The following KLF3 variants were observed in gnomAD, a reference collection of about 807,000 sequenced individuals.
The protein encoded by KLF3 is Krueppel-like factor 3.
KLF3 carries 6 observed loss-of-function variants against 32.7 expected under a neutral mutation model. That is an observed-to-expected ratio of 0.18 (90% confidence interval 0.10 to 0.36). The LOEUF is 0.36. KLF3 is among the 10% of genes least tolerant of loss of function. The pLI is 1.00. For missense variants in KLF3, 338 were observed against 449.7 expected, an observed-to-expected ratio of 0.75 and a Z score of 2.25; for synonymous variants, 145 against 172.8, an observed-to-expected ratio of 0.84 and a Z score of 1.26.
Position 38,694,847 on chromosome 4 carries a change from G to C in KLF3, c.797G>C (p.Gly266Ala). The change falls in exon 5 of 6, where the codon GGA becomes GCA. Residue 266 changes from glycine (G) to alanine (A), a missense_variant. Gly to Ala is a moderately conservative substitution (Grantham distance 60). Transcript: ENST00000261438. Reference sequence around the variant, plus strand: ...AGGATACACAGATGTGATTATGATGGATGCAACAAAGTGTACACTAAAAGC... The same window carrying C: ...AGGATACACAGATGTGATTATGATGCATGCAACAAAGTGTACACTAAAAGC... ...KRRIHRCDYD[G>A]CNKVYTKSSH... 6.2e-7 allele frequency: 1 copy of C among 1,608,278 alleles called. No homozygotes were observed.
rs908811274 is a variant in KLF3 at position 38,674,550 on chromosome 4, C to T, written c.-39-6037C>T. Among the ~76,000 whole-genome samples, 1 of 151,632 alleles carries T rather than the reference C, an allele frequency of 6.6e-6. No individual in the cohort carries two copies. ...TAGAAGAGTTGAAAGGGAGGCTTAG[C>T]GATGGTGTGTTAGTGTATTGCTCCG... On this transcript the variant is annotated intron_variant, in intron 1 of 5. Coordinates refer to ENST00000261438, the MANE Select transcript of KLF3 (RefSeq NM_016531.6). This position sits in a 1 kb window ranked among gnomAD's most constrained non-coding sequence, Gnocchi z 4.1.
chr4:38,687,860 C>T (rs1227502384), intron 2 of KLF3, among the ~76,000 whole-genome samples: 1 of 152,150 alleles, frequency 6.6e-6, no homozygotes, highest in African/African-American at 2.4e-5. Flanking sequence ...TGTATGGTGA[C>T]TGACCCCCTC....
chr4:38,691,432 T>C (rs917417939), intron 4 of KLF3, among the ~76,000 whole-genome samples: 7 of 152,214 alleles, frequency 4.6e-5, no homozygotes, highest in Non-Finnish European at 8.8e-5. Flanking sequence ...CCTGCACTTA[T>C]AGTTGTTCCT....
At chr4:38,691,479 A>C (rs1378028729) in intron 4 of KLF3, among the ~76,000 whole-genome samples, 2 of 152,210 alleles carry the variant, frequency 1.3e-5, no homozygotes, top group African/African-American at 4.8e-5. Flanking sequence ...AAACTAAATA[A>C]AACCAACTGC....
intron 2 of KLF3, chr4:38,680,951 G>A (rs1722504473): frequency 3.4e-6 from 1 of 292,396 alleles, no homozygotes; most frequent in Non-Finnish European, 6.8e-6. Flanking sequence ...TCGGGAGGCT[G>A]AGGCAGGAGA....
At chr4:38,665,903 C>G (rs760925771) in intron 1 of KLF3, among the ~76,000 whole-genome samples, 1 of 152,210 alleles carries the variant, frequency 6.6e-6, no homozygotes, top group Non-Finnish European at 1.5e-5. Context: ...AAACAATCTG[C>G]TAGCATTAAT....
Position 38,685,461 on chromosome 4 carries a change from A to T in KLF3, c.58-3124A>T, listed in dbSNP as rs185406618. ...TCAGCAAACTGCATAATGTTGATAA[A>T]GCTTAGCTTTATGTGTGGCTTTTTC... On this transcript the variant is annotated intron_variant, in intron 2 of 5. Transcript: ENST00000261438. Among the ~76,000 whole-genome samples the T allele has an allele frequency of 1.2e-3, 180 of 152,296 alleles. 4 individuals are homozygous for T. Among genetic ancestry groups the T allele is most frequent in the Admixed American group, 9.5e-3 (145 of 15,294 alleles).
chr4:38,691,597 G>A (rs1004101885), intron 4 of KLF3, among the ~76,000 whole-genome samples: 3 of 152,172 alleles, frequency 2.0e-5, no homozygotes, highest in Admixed American at 6.5e-5. Flanking sequence ...AATATTCTGT[G>A]CTCTGAATGC....
chr4:38,676,915 T>G (rs1007019842), intron 1 of KLF3, among the ~76,000 whole-genome samples: 1 of 152,026 alleles, frequency 6.6e-6, no homozygotes, highest in Non-Finnish European at 1.5e-5. Context: ...CTTGTAATTA[T>G]TTTTTAGTAA....
At chr4:38,686,778 T>C (rs1722713474) in intron 2 of KLF3, among the ~76,000 whole-genome samples, 1 of 152,176 alleles carries the variant, frequency 6.6e-6, no homozygotes, top group Non-Finnish European at 1.5e-5. Flanking sequence ...ATCTTAACCA[T>C]GAGGACCTGA....
At chr4:38,696,514 C>T (rs1437936935) in intron 5 of KLF3, among the ~76,000 whole-genome samples, 1 of 152,106 alleles carries the variant, frequency 6.6e-6, no homozygotes, top group Non-Finnish European at 1.5e-5. Context: ...AAACCTGGCT[C>T]AGGACAGATG....
rs976559655 is a variant in KLF3, at chr4:38,688,148, T to C, written c.58-437T>C. Among the ~76,000 whole-genome samples, 1 of 152,212 alleles carries C rather than the reference T, an allele frequency of 6.6e-6. No individual in the cohort carries two copies. Among genetic ancestry groups the C allele is most frequent in the African/African-American group, 2.4e-5 (1 of 41,448 alleles). On this transcript the variant is annotated intron_variant, in intron 2 of 5. Coordinates refer to ENST00000261438, the MANE Select transcript of KLF3 (RefSeq NM_016531.6). The surrounding 1 kb of genome is among the most constrained non-coding windows in gnomAD (Gnocchi z 4.9). ...GTTAGACATCAAAGCTAGAGAGCATTTCCTGCTCATCAAGAAACCCCACCA... is the reference window on the plus strand; with the variant it reads ...GTTAGACATCAAAGCTAGAGAGCATCTCCTGCTCATCAAGAAACCCCACCA...
chr4:38,680,689 T>G lies in KLF3; in HGVS notation c.57+7T>G. 1.9e-6 allele frequency: 3 copies of G among 1,605,848 alleles called. No individual in the cohort carries two copies. Among genetic ancestry groups the G allele is most frequent in the Non-Finnish European group, 2.6e-6 (3 of 1,172,496 alleles). ...CATGGACCCTGTCTCAGTGGTAAGT[T>G]TTCCAAGATTGAACACCTCGCCTTA... On this transcript the variant is annotated splice_region_variant and intron_variant, in intron 2 of 5. Transcript: ENST00000261438.
rs1011292900 is a variant in KLF3, at chr4:38,689,061, T to C, written c.534T>C (p.Ser178=). The change falls in exon 3 of 6, where the codon AGT becomes AGC. Residue 178 remains serine (S), a synonymous_variant. Coordinates refer to ENST00000261438, the MANE Select transcript of KLF3 (RefSeq NM_016531.6). ...SLSEEMENSS[S]SMQVPVIESY... ...CGGAGGAGATGGAAAATTCCAGTAG[T>C]AGCATGCAAGGTAAATTCCGCCACT... 6.2e-6 allele frequency: 10 copies of C among 1,613,030 alleles called. No homozygotes were observed. In the Middle Eastern group the frequency reaches 1.2e-3, roughly 186 times the overall value.
At chr4:38,696,644 C>T (rs1170680539) in intron 5 of KLF3, among the ~76,000 whole-genome samples, 1 of 152,196 alleles carries the variant, frequency 6.6e-6, no homozygotes, top group Non-Finnish European at 1.5e-5. Flanking sequence ...TTGTTAGAGA[C>T]TTCATATTTT....
chr4:38,697,236 C>T lies in KLF3; in HGVS notation c.1011C>T (p.Leu337=). The T allele has an allele frequency of 6.2e-7, 1 of 1,613,304 alleles. No homozygotes were observed. The highest frequency in any genetic ancestry group is 8.5e-7 in the Non-Finnish European group (1 of 1,179,566). The change falls in exon 6 of 6, where the codon CTC becomes CTT. Residue 337 remains leucine (L), a synonymous_variant. Coordinates refer to ENST00000261438, the MANE Select transcript of KLF3 (RefSeq NM_016531.6). ...TCTCCCGTTCTGACCATCTTGCCCT[C>T]CATAGGAAACGCCACATGCTAGTCT... The part of the protein sequence containing the change: ...RSFSRSDHLA[L]HRKRHMLV
At chr4:38,667,903 C>T (rs973193914) in intron 1 of KLF3, among the ~76,000 whole-genome samples, 1 of 152,096 alleles carries the variant, frequency 6.6e-6, no homozygotes, top group African/African-American at 2.4e-5. Context: ...GAAGCAAAGC[C>T]TAAGACATTG....
intron 1 of KLF3, among the ~76,000 whole-genome samples, chr4:38,680,207 A>G (rs1034067546): frequency 2.6e-5 from 4 of 151,702 alleles, no homozygotes; most frequent in Non-Finnish European, 4.4e-5. Flanking sequence ...TCATTTTATT[A>G]TTTATTTATT....
At chr4:38,689,234 T>C (rs1722801755) in intron 3 of KLF3, among the ~76,000 whole-genome samples, 163 bp downstream of exon 3, 1 of 151,912 alleles carries the variant, frequency 6.6e-6, no homozygotes, top group South Asian at 2.1e-4. Context: ...AAAGTGTTGA[T>C]ACTGGAAGAG....
Sources: gnomAD v4.1 joint callset for allele counts (sites outside exome capture counted in the v4.1 genomes callset) on GRCh38, gnomAD v4.1.1 for gene constraint, Gnocchi (gnomAD v3.1) non-coding constraint, MANE v1.5 for transcripts, NCBI Gene and HGNC (gene_info 2026-07-23, HGNC 2026-07-21) for gene names.